Variants in PCLO observed in about 807,000 individuals in gnomAD.
PCLO encodes the protein protein piccolo.
Under a neutral mutation model 427.5 loss-of-function variants are expected in PCLO, and 82 were observed. The ratio of observed to expected loss-of-function variants is 0.19; its 90% confidence interval spans 0.16 to 0.23. PCLO has a LOEUF of 0.23. PCLO is among the 10% of genes least tolerant of loss of function. The pLI is 1.00. For missense variants in PCLO, 6,239 were observed against 6,115.9 expected (o/e 1.02, Z -0.67); for synonymous variants, 2,357 against 2,155.4 (o/e 1.09, Z -2.59).
chr7:82,904,984 G>A (rs1049833553), intron 8 of PCLO, among the ~76,000 whole-genome samples: 3 of 152,000 alleles, frequency 2.0e-5, no homozygotes, highest in African/African-American at 7.2e-5. Context: ...TTAGATGTAC[G>A]AGCTAGATGA....
At chr7:83,026,134 G>A (rs1301477757) in intron 3 of PCLO, among the ~76,000 whole-genome samples, 2 of 152,026 alleles carry the variant, frequency 1.3e-5, no homozygotes, top group African/African-American at 4.8e-5. Flanking sequence ...TGGACTAAAT[G>A]CTCCAATTAA....
intron 3 of PCLO, among the ~76,000 whole-genome samples, chr7:83,034,049 G>A (rs1277073505): frequency 6.6e-6 from 1 of 152,004 alleles, no homozygotes; most frequent in East Asian, 1.9e-4. Flanking sequence ...TTAAATTGGA[G>A]AATTATAAAT....
intron 20 of PCLO, among the ~76,000 whole-genome samples, chr7:82,817,845 C>T (rs1355497081): frequency 6.6e-6 from 1 of 152,150 alleles, no homozygotes; most frequent in Non-Finnish European, 1.5e-5. Context: ...AGGGATATTT[C>T]TCCTCATCCT....
intron 6 of PCLO, among the ~76,000 whole-genome samples, chr7:82,940,820 T>C (rs898816133): frequency 1.3e-4 from 19 of 147,804 alleles, no homozygotes; most frequent in African/African-American, 4.8e-4. Flanking sequence ...TGGAGTGCAG[T>C]GGTGAGATCT....
At chr7:83,093,492 A>ATTTTTTTTTTT (rs1169852004) in intron 3 of PCLO, among the ~76,000 whole-genome samples, 1 of 59,318 alleles carries the variant, frequency 1.7e-5, no homozygotes, top group Non-Finnish European at 3.3e-5. Flanking sequence ...ATATATATAT[A>ATTTTTTTTTTT]TTTTTTTTTT....
intron 3 of PCLO, among the ~76,000 whole-genome samples, chr7:83,025,169 A>T (rs908644264): frequency 6.6e-6 from 1 of 152,198 alleles, no homozygotes; most frequent in Non-Finnish European, 1.5e-5. Flanking sequence ...CTACGGGAGG[A>T]TATTCAAACC....
chr7:82,994,099 T>C (rs990478790), intron 3 of PCLO, among the ~76,000 whole-genome samples: 1 of 152,092 alleles, frequency 6.6e-6, no homozygotes, highest in Non-Finnish European at 1.5e-5. Context: ...GGAAGTTTTG[T>C]CTTACTACAT....
intron 3 of PCLO, among the ~76,000 whole-genome samples, chr7:82,992,591 G>C (rs1056480364): frequency 4.6e-5 from 7 of 151,872 alleles, no homozygotes; most frequent in African/African-American, 1.7e-4. Context: ...AGGGCCTGTC[G>C]GGGGGTGTGG....
intron 6 of PCLO, among the ~76,000 whole-genome samples, chr7:82,934,563 GT>G (rs1283528673): frequency 1.3e-5 from 2 of 151,680 alleles, no homozygotes; most frequent in African/African-American, 4.8e-5. Context: ...ACAAGTATGT[GT>G]TCTAATATGA....
rs1209180840 is a variant in PCLO, at chr7:82,909,040, A to G, written c.13301-27T>C. 3.7e-6 allele frequency: 6 copies of G among 1,609,964 alleles called. No homozygotes were observed. The South Asian group carries it at 4.4e-5, about 12-fold the overall frequency. Reference sequence around the variant, plus strand: ...TTTGGACACCAAGGAAACATCATACATTGCAACGGCAAGTAATACAGATGA... The same window carrying G: ...TTTGGACACCAAGGAAACATCATACGTTGCAACGGCAAGTAATACAGATGA... On this transcript the variant is annotated intron_variant, in intron 7 of 24. Coordinates refer to ENST00000333891, the MANE Select transcript of PCLO (RefSeq NM_033026.6).
chr7:82,949,313 A>G (rs903022852), intron 6 of PCLO, among the ~76,000 whole-genome samples, 163 bp downstream of exon 6: 3 of 152,068 alleles, frequency 2.0e-5, no homozygotes, highest in Non-Finnish European at 4.4e-5. Context: ...ACACGCACAC[A>G]CACATATACA....
At chr7:82,763,112 GA>G (rs1417206824) in intron 22 of PCLO, among the ~76,000 whole-genome samples, 2 of 152,178 alleles carry the variant, frequency 1.3e-5, no homozygotes, top group African/African-American at 4.8e-5. Context: ...ATATTAGAAA[GA>G]AATGCACTGA....
rs1162120108 is a variant in PCLO at position 82,956,186 on chromosome 7, A to C, written c.4767T>G (p.Thr1589=). 2 of 1,609,426 alleles carry C rather than the reference A, an allele frequency of 1.2e-6. 1 individual carries two copies. Among genetic ancestry groups the C allele is most frequent in the Admixed American group, 3.3e-5 (2 of 60,012 alleles). Residue 1589 remains threonine (T), a synonymous_variant, in exon 5 of 25, where the codon ACT becomes ACG. Coordinates refer to ENST00000333891, the MANE Select transcript of PCLO (RefSeq NM_033026.6). ...TTGTTTCTTCCTTCTTCTGGCTCTCAGTACTGCTACTAATCTCTTTGAGCT... is the reference window on the plus strand; with the variant it reads ...TTGTTTCTTCCTTCTTCTGGCTCTCCGTACTGCTACTAATCTCTTTGAGCT... The part of the protein sequence containing the change: ...RNQLKEISSS[T]ESQKKEETKG...
rs778011256 is a variant in PCLO at position 82,954,619 on chromosome 7, A to G, written c.6334T>C (p.Ser2112Pro). 6.2e-7 allele frequency: 1 copy of G among 1,613,952 alleles called. No individual in the cohort carries two copies. The highest frequency in any genetic ancestry group is 8.5e-7 in the Non-Finnish European group (1 of 1,179,864). The change falls in exon 5 of 25, where the codon TCA becomes CCA. Residue 2112 changes from serine (S) to proline (P), a missense_variant. Ser to Pro is a moderately conservative substitution (Grantham distance 74). Transcript: ENST00000333891. ...GTCGAATCTGTAAGAGACGCTCCTGAGAGAACACTTGATGTCAAAGAGGCA... is the reference window on the plus strand; with the variant it reads ...GTCGAATCTGTAAGAGACGCTCCTGGGAGAACACTTGATGTCAAAGAGGCA... ...PDASLTSSVL[S>P]GASLTDSTSS...
chr7:82,909,210 T>C lies in PCLO; in HGVS notation c.13301-197A>G, dbSNP rs372091877. On this transcript the variant is annotated intron_variant, in intron 7 of 24. Coordinates refer to ENST00000333891, the MANE Select transcript of PCLO (RefSeq NM_033026.6). Reference sequence around the variant, plus strand: ...AAATTATGTCAAAAATTTTAAACCATAGAATAGCCTAGAAAAAATGATGCA... The same window carrying C: ...AAATTATGTCAAAAATTTTAAACCACAGAATAGCCTAGAAAAAATGATGCA... Among the ~76,000 whole-genome samples, 97 of 152,094 alleles carry C rather than the reference T, an allele frequency of 6.4e-4. 1 individual carries two copies. In the Middle Eastern group the frequency reaches 0.027, roughly 43 times the overall value.
At chr7:83,117,872 A>T (rs1000912823) in intron 3 of PCLO, among the ~76,000 whole-genome samples, 6 of 152,218 alleles carry the variant, frequency 3.9e-5, no homozygotes, top group Non-Finnish European at 8.8e-5. Context: ...ATAATAACCT[A>T]TTACTAGGCT....
chr7:82,828,979 T>C (rs553315035), intron 16 of PCLO, among the ~76,000 whole-genome samples: 2 of 152,312 alleles, frequency 1.3e-5, no homozygotes, highest in Non-Finnish European at 2.9e-5. Flanking sequence ...GGCTGGACCC[T>C]GACTCTTGTA....
At chr7:83,000,587 G>A (rs1787798487) in intron 3 of PCLO, among the ~76,000 whole-genome samples, 1 of 151,892 alleles carries the variant, frequency 6.6e-6, no homozygotes, top group Non-Finnish European at 1.5e-5. Context: ...ATTTTCATAA[G>A]CAGTGTGCAA....
At chr7:82,856,532 T>C (rs1791708211) in intron 10 of PCLO, among the ~76,000 whole-genome samples, 1 of 152,142 alleles carries the variant, frequency 6.6e-6, no homozygotes, top group Admixed American at 6.6e-5. Flanking sequence ...AATCAGAAAG[T>C]GGCTGAATGA....
Sources: gnomAD v4.1 joint callset for allele counts (sites outside exome capture counted in the v4.1 genomes callset) on GRCh38, gnomAD v4.1.1 for gene constraint, MANE v1.5 for transcripts, NCBI Gene and HGNC (gene_info 2026-07-23, HGNC 2026-07-21) for gene names.